Variants in PIK3C2G observed in about 807,000 individuals in gnomAD.
The protein encoded by PIK3C2G is phosphatidylinositol-4-phosphate 3-kinase catalytic subunit type 2 gamma, also known as phosphatidylinositol 3-kinase C2 domain-containing subunit gamma.
PIK3C2G carries 168 observed loss-of-function variants against 181.1 expected under a neutral mutation model. The observed-to-expected ratio is 0.93, with a 90% CI of 0.82 to 1.05. The LOEUF (loss-of-function observed/expected upper bound fraction) is 1.05. Among genes scored for constraint, PIK3C2G ranks in the 50% least tolerant of loss-of-function variants. PIK3C2G has a pLI of 0.00. For synonymous variants in PIK3C2G, 573 were observed against 592.2 expected (o/e 0.97, Z 0.47); for missense variants, 1,869 against 1,732.8 (o/e 1.08, Z -1.40).
chr12:18,282,874 T>G (rs753527495), intron 2 of PIK3C2G, 115 bp downstream of exon 2: 5 of 725,212 alleles, frequency 6.9e-6, no homozygotes. Context: ...TCTATTCATC[T>G]TACTTTTGAA....
chr12:18,570,254 G>A (rs745358357), intron 29 of PIK3C2G, among the ~76,000 whole-genome samples: 2 of 150,394 alleles, frequency 1.3e-5, no homozygotes, highest in Admixed American at 6.7e-5. Flanking sequence ...CGTCACCCAC[G>A]CTGGAGTGCA....
chr12:18,569,153 G>A (rs539081733), intron 29 of PIK3C2G, among the ~76,000 whole-genome samples: 82 of 152,098 alleles, frequency 5.4e-4, no homozygotes, highest in Middle Eastern at 3.4e-3. Flanking sequence ...AAAATGCCAC[G>A]CACCTTCTAA....
chr12:18,553,669 G>C (rs1045887319), intron 26 of PIK3C2G, among the ~76,000 whole-genome samples: 1 of 152,054 alleles, frequency 6.6e-6, no homozygotes, highest in East Asian at 1.9e-4. Context: ...AAAGGGGATG[G>C]GGAGAAGAAA....
chr12:18,610,035 A>G (rs925123672), intron 31 of PIK3C2G, among the ~76,000 whole-genome samples: 1 of 152,088 alleles, frequency 6.6e-6, no homozygotes, highest in Admixed American at 6.6e-5. Context: ...AGAACCTAGA[A>G]CAAAATCTGT....
rs199613361 is a variant in PIK3C2G, at chr12:18,338,663, C to CTGTGTGTG, written c.1395+154_1395+161dup. 5.3e-3 allele frequency: 2,212 copies of CTGTGTGTG among 413,814 alleles called. 9 individuals are homozygous for CTGTGTGTG. The highest frequency in any genetic ancestry group is 5.5e-3 in the Non-Finnish European group (1,255 of 226,674). 25.6% of individuals were successfully genotyped at this position (413,814 alleles called of 1,614,324 possible). A position where few individuals can be genotyped will look rare whatever the true frequency, so the allele number is the denominator to read the frequency against. ...TTTCCGTGTGTATGTTTGTGTGTAT[C>CTGTGTGTG]TGTGTGTGTGTGTGTGTGTGTGTGT... On this transcript the variant is annotated intron_variant, in intron 9 of 32. Coordinates refer to ENST00000538779, the MANE Select transcript of PIK3C2G (RefSeq NM_001288772.2).
At chr12:18,593,906 C>G (rs1565541985) in intron 29 of PIK3C2G, among the ~76,000 whole-genome samples, 1 of 150,934 alleles carries the variant, frequency 6.6e-6, no homozygotes, top group Admixed American at 6.6e-5. Flanking sequence ...TGATATATCC[C>G]CTGATTCTCT....
chr12:18,701,817 G>A, the PIK3C2G span: 1 of 1,564,482 alleles, frequency 6.4e-7, no homozygotes, highest in Admixed American at 1.9e-5. Flanking sequence ...ACATTTACAA[G>A]TAAATTTGCA....
At chr12:18,693,330 G>A in the PIK3C2G span, 14 of 1,545,578 alleles carry the variant, frequency 9.1e-6, no homozygotes, top group Admixed American at 1.7e-5. Flanking sequence ...AGAGACCTAT[G>A]CAGATACTGG....
At chr12:18,567,839 A>G (rs1945719348) in intron 29 of PIK3C2G, among the ~76,000 whole-genome samples, 1 of 152,162 alleles carries the variant, frequency 6.6e-6, no homozygotes, top group African/African-American at 2.4e-5. Context: ...ATTTTCTTTC[A>G]GTTCTGGAAT....
chr12:18,488,359 T>G, intron 18 of PIK3C2G, 90 bp from the exon 19 acceptor site: 1 of 756,480 alleles, frequency 1.3e-6, no homozygotes, highest in Non-Finnish European at 1.9e-6. Context: ...CAAATACAGA[T>G]TAGTTTGAAA....
At chr12:18,582,629 G>A (rs1946562168) in intron 29 of PIK3C2G, among the ~76,000 whole-genome samples, 1 of 152,154 alleles carries the variant, frequency 6.6e-6, no homozygotes, top group Non-Finnish European at 1.5e-5. Context: ...CGCTTCCACA[G>A]AACCTGGCAG....
intron 24 of PIK3C2G, among the ~76,000 whole-genome samples, chr12:18,532,713 A>G (rs1365684076): frequency 6.6e-6 from 1 of 152,034 alleles, no homozygotes; most frequent in Non-Finnish European, 1.5e-5. Flanking sequence ...TTCTTACTGA[A>G]CTGTCTCTGA....
chr12:18,686,915 T>C, the PIK3C2G span, among the ~76,000 whole-genome samples: 10 of 152,196 alleles, frequency 6.6e-5, no homozygotes, highest in South Asian at 1.9e-3. Flanking sequence ...AAGGAGGTAA[T>C]ACAAATTCTA....
At chr12:18,662,199 A>G in the PIK3C2G span, among the ~76,000 whole-genome samples, 79,171 of 151,758 alleles carry the variant, frequency 0.52, 21,787 homozygotes, top group South Asian at 0.67. Context: ...ATGCTACCTA[A>G]ATAGCATAGG....
At chr12:18,677,181 C>T in the PIK3C2G span, among the ~76,000 whole-genome samples, 4 of 152,180 alleles carry the variant, frequency 2.6e-5, no homozygotes, top group Admixed American at 2.6e-4. Flanking sequence ...AACAGCAGAT[C>T]CTGGTCAGGC....
intron 1 of PIK3C2G, among the ~76,000 whole-genome samples, chr12:18,278,904 G>A (rs1306938931): frequency 6.6e-6 from 1 of 151,788 alleles, no homozygotes; most frequent in Non-Finnish European, 1.5e-5. Flanking sequence ...AAGAGGTTGT[G>A]TTTTTATTAC....
upstream of PIK3C2G, among the ~76,000 whole-genome samples, chr12:18,247,144 T>C (rs1948048775): frequency 6.6e-6 from 1 of 152,190 alleles, no homozygotes; most frequent in African/African-American, 2.4e-5. Context: ...ATTTCCTAAA[T>C]AGAATTTTTG....
chr12:18,538,067 C>A, intron 24 of PIK3C2G, 89 bp from the exon 25 acceptor site: 1 of 1,265,376 alleles, frequency 7.9e-7, no homozygotes, highest in Admixed American at 2.4e-5. Context: ...AAAGAAAATT[C>A]AAATGAAAAT....
intron 31 of PIK3C2G, among the ~76,000 whole-genome samples, chr12:18,618,215 C>T (rs919367682): frequency 6.6e-6 from 1 of 151,986 alleles, no homozygotes; most frequent in South Asian, 2.1e-4. Context: ...AAATCTCCAA[C>T]AGAAACTTTG....
Sources: gnomAD v4.1 joint callset for allele counts (sites outside exome capture counted in the v4.1 genomes callset) on GRCh38, gnomAD v4.1.1 for gene constraint, MANE v1.5 for transcripts, NCBI Gene and HGNC (gene_info 2026-07-23, HGNC 2026-07-21) for gene names.